Variants in PRPF18 observed in about 807,000 individuals in gnomAD.
PRPF18 encodes the protein pre-mRNA-splicing factor 18.
PRPF18 carries 38 observed loss-of-function variants against 46.5 expected under a neutral mutation model. That is an observed-to-expected ratio of 0.82 (90% CI 0.63 to 1.07). The LOEUF (loss-of-function observed/expected upper bound fraction) is 1.07, where lower values mean the gene tolerates loss of function less well. PRPF18 is among the 50% of genes least tolerant of loss of function. PRPF18 has a pLI of 0.00. For synonymous variants in PRPF18, 152 were observed against 146.7 expected (o/e 1.04, Z -0.26); for missense variants, 263 against 410.0 (o/e 0.64, Z 3.10).
At position 13,614,012 on chromosome 10, in the gene PRPF18, C is replaced by T. The variant is rs2080306425; in HGVS notation, c.721-3C>T. The T allele has an allele frequency of 6.4e-7, 1 of 1,571,582 alleles. No individual in the cohort carries two copies. Among genetic ancestry groups the T allele is most frequent in the African/African-American group, 1.4e-5 (1 of 72,860 alleles). The stretch of plus-strand genomic sequence containing the variant: ...TCCAAAATTTCTTATTTATTTTTTT[C>T]AGAATCTTCCTGCTGATATTAAAGA... On this transcript the variant is annotated splice_region_variant and splice_polypyrimidine_tract_variant and intron_variant, in intron 7 of 9. Transcript: ENST00000378572.
In PRPF18 at chr10:13,596,924, T is replaced by C. The variant is rs11258463; in HGVS notation, c.67-534T>C. Among the ~76,000 whole-genome samples the C allele has an allele frequency of 5.9e-5, 9 of 152,032 alleles. No homozygotes were observed. The East Asian group carries it at 1.5e-3, about 26-fold the overall frequency. Reference sequence around the variant, plus strand: ...TTAAATCATTTTTTAAATAAAAGAGTTCACCAAGACCACCCTATATGTAGA... The same window carrying C: ...TTAAATCATTTTTTAAATAAAAGAGCTCACCAAGACCACCCTATATGTAGA... On this transcript the variant is annotated intron_variant, in intron 1 of 9. Coordinates refer to ENST00000378572, the MANE Select transcript of PRPF18 (RefSeq NM_003675.4).
intron 4 of PRPF18, 119 bp from the exon 5 acceptor site, chr10:13,609,917 CTTT>C: frequency 9.7e-7 from 1 of 1,033,996 alleles, no homozygotes; most frequent in Non-Finnish European, 1.4e-6. Flanking sequence ...TGAGTCCCTA[CTTT>C]TGCTGAACTC....
At chr10:13,591,994 G>A in intron 1 of PRPF18, 1 of 886,846 alleles carries the variant, frequency 1.1e-6, no homozygotes, top group Non-Finnish European at 1.7e-6. Context: ...AAATATCTAG[G>A]CATTTTATGA....
intron 3 of PRPF18, among the ~76,000 whole-genome samples, chr10:13,600,800 A>G (rs575675751): frequency 2.6e-5 from 4 of 152,272 alleles, no homozygotes; most frequent in East Asian, 1.9e-4. Context: ...ATTTTGAGAC[A>G]GAGTCTCACT....
At chr10:13,647,690 T>G in the PRPF18 span, 1 of 150,764 alleles carries the variant, frequency 6.6e-6, no homozygotes, top group African/African-American at 2.5e-5. Flanking sequence ...TATAAAAGTG[T>G]GTTCATTTAA....
intron 9 of PRPF18, among the ~76,000 whole-genome samples, chr10:13,627,892 C>A (rs1447831495): frequency 2.0e-5 from 3 of 152,206 alleles, no homozygotes; most frequent in Admixed American, 6.5e-5. Context: ...TTGCCATGCT[C>A]TGCTGCTGAG....
At chr10:13,587,402 G>A (rs1294804729) in intron 1 of PRPF18, among the ~76,000 whole-genome samples, 1 of 152,194 alleles carries the variant, frequency 6.6e-6, no homozygotes, top group Non-Finnish European at 1.5e-5. Context: ...GGATCAAAAG[G>A]AAAACACCTG....
the PRPF18 span, chr10:13,641,622 G>GA: frequency 6.6e-6 from 1 of 152,246 alleles, no homozygotes; most frequent in Non-Finnish European, 1.5e-5. Context: ...GATTGAAAAG[G>GA]AGAGCCCTGG....
chr10:13,611,707 G>A, intron 6 of PRPF18, 24 bp downstream of exon 6: 1 of 1,599,410 alleles, frequency 6.3e-7, no homozygotes, highest in Non-Finnish European at 8.6e-7. Flanking sequence ...GCGAGGGGAT[G>A]AGGATGCCTT....
At chr10:13,614,117 T>TA (rs2080307364) in intron 8 of PRPF18, 31 bp downstream of exon 8, 7 of 1,471,758 alleles carry the variant, frequency 4.8e-6, no homozygotes, top group Non-Finnish European at 6.5e-6. Context: ...TTGAAATTGT[T>TA]AAGAGTATAT....
At chr10:13,619,922 A>G (rs975247400) in intron 9 of PRPF18, among the ~76,000 whole-genome samples, 1 of 151,960 alleles carries the variant, frequency 6.6e-6, no homozygotes, top group Non-Finnish European at 1.5e-5. Flanking sequence ...AAGGCTAAAC[A>G]GAATGCCAGT....
chr10:13,649,970 C>A, the PRPF18 span, among the ~76,000 whole-genome samples: 8 of 152,192 alleles, frequency 5.3e-5, no homozygotes, highest in Admixed American at 4.6e-4. Flanking sequence ...AGCAGCTTAG[C>A]CCTGGGCAGT....
intron 6 of PRPF18, among the ~76,000 whole-genome samples, chr10:13,612,613 G>A (rs1459466317): frequency 6.7e-6 from 1 of 148,526 alleles, no homozygotes; most frequent in African/African-American, 2.5e-5. Flanking sequence ...AGGAAGAAGA[G>A]GGTTCTAGCT....
At chr10:13,649,609 T>G in the PRPF18 span, 3 of 152,242 alleles carry the variant, frequency 2.0e-5, no homozygotes, top group East Asian at 5.8e-4. Context: ...ATACAGAATC[T>G]TTCTTAGTGC....
chr10:13,635,620 T>C (rs2080630693), downstream of PRPF18, among the ~76,000 whole-genome samples: 2 of 152,170 alleles, frequency 1.3e-5, no homozygotes, highest in South Asian at 4.1e-4. Context: ...CTTATTGAGG[T>C]TTTGATTTGC....
At chr10:13,645,525 A>G in the PRPF18 span, 2 of 152,650 alleles carry the variant, frequency 1.3e-5, no homozygotes, top group Admixed American at 1.3e-4. Context: ...TTTGAAGCAT[A>G]GCTCAAAACA....
the PRPF18 span, chr10:13,655,322 A>ATAAACCCTCCTGTTTG: frequency 6.6e-6 from 1 of 152,246 alleles, no homozygotes; most frequent in African/African-American, 2.4e-5. Context: ...TTGATAGAAC[A>ATAAACCCTCCTGTTTG]TAAACCCTCC....
chr10:13,652,392 C>T, the PRPF18 span: 2 of 198,026 alleles, frequency 1.0e-5, no homozygotes, highest in Non-Finnish European at 2.1e-5. Flanking sequence ...TACAATCAAT[C>T]ATATATTTGG....
rs989983960 is a variant in PRPF18, at chr10:13,589,355, G to A, written c.66+2203G>A. On this transcript the variant is annotated intron_variant, in intron 1 of 9. Transcript: ENST00000378572. ...TCAATTACTTTCCTCCACACAACCA[G>A]CAAACTTTAGTATAAATGAGAATTG... is the stretch of plus-strand genomic sequence containing the variant. Among the ~76,000 whole-genome samples, 3 of 152,262 alleles carry A rather than the reference G, an allele frequency of 2.0e-5. No individual in the cohort carries two copies. The East Asian group carries it at 5.8e-4, about 29-fold the overall frequency.
Sources: gnomAD v4.1 joint callset for allele counts (sites outside exome capture counted in the v4.1 genomes callset) on GRCh38, gnomAD v4.1.1 for gene constraint, MANE v1.5 for transcripts, NCBI Gene and HGNC (gene_info 2026-07-23, HGNC 2026-07-21) for gene names.